Variants in LYST observed in about 807,000 individuals in gnomAD.
LYST encodes the protein lysosomal trafficking regulator.
LYST carries 192 observed loss-of-function variants against 413.6 expected under a neutral mutation model. The ratio of observed to expected loss-of-function variants is 0.46; its 90% CI spans 0.41 to 0.52. The LOEUF (loss-of-function observed/expected upper bound fraction) is 0.52, where lower values mean the gene tolerates loss of function less well. Ranked by LOEUF, LYST falls within the 20% of genes least tolerant of loss-of-function variation. LYST has a pLI of 0.00. For missense variants in LYST, 3,815 were observed against 4,499.9 expected (o/e 0.85, Z 4.35); for synonymous variants, 1,525 against 1,567.3 (o/e 0.97, Z 0.64).
chr1:235,771,193 A>G (rs557374283), intron 19 of LYST, among the ~76,000 whole-genome samples: 41 of 152,330 alleles, frequency 2.7e-4, no homozygotes, highest in African/African-American at 7.2e-4. Context: ...AGGCAGCCAA[A>G]GTATGAAAAC....
At chr1:235,865,038 A>G (rs995430849) in intron 1 of LYST, among the ~76,000 whole-genome samples, 3 of 152,024 alleles carry the variant, frequency 2.0e-5, no homozygotes, top group African/African-American at 7.3e-5. Flanking sequence ...ATACAGTCTA[A>G]TCTCCCACCA....
At chr1:235,738,260 A>G in intron 31 of LYST, 1 of 1,611,224 alleles carries the variant, frequency 6.2e-7, no homozygotes, top group Non-Finnish European at 8.5e-7. Flanking sequence ...CTGTAACTGT[A>G]AACTCCAAGC....
rs531591410 is a variant in LYST, at chr1:235,698,698, T to C, written c.10375-1426A>G. On this transcript the variant is annotated intron_variant, in intron 45 of 52. Transcript: ENST00000389793. ...CATCCTGGTTAACATGGTGAAACCC[T>C]GTCTCTACTAAAAATACAAAAAAAT... 1.2e-3 allele frequency among the ~76,000 whole-genome samples: 190 copies of C among 152,146 alleles called. 3 individuals carry two copies. The highest frequency in any genetic ancestry group is 0.01 in the East Asian group (53 of 5,178).
At chr1:235,860,678 C>A (rs567476375) in intron 1 of LYST, among the ~76,000 whole-genome samples, 121 of 152,308 alleles carry the variant, frequency 7.9e-4, no homozygotes, top group Middle Eastern at 3.4e-3. Context: ...CTTTTAAACA[C>A]AACTTTACAG....
At chr1:235,813,282 T>C (rs924072724) in intron 3 of LYST, among the ~76,000 whole-genome samples, 2 of 152,214 alleles carry the variant, frequency 1.3e-5, no homozygotes, top group Non-Finnish European at 2.9e-5. Flanking sequence ...TTTGACAGTA[T>C]TTAGCACACT....
Position 235,757,468 on chromosome 1 carries a change from A to T in LYST, c.6882-10T>A. On this transcript the variant is annotated splice_polypyrimidine_tract_variant and intron_variant, in intron 23 of 52. Transcript: ENST00000389793. ...ACAGTCTTCAGTTACACTAAAACAG[A>T]GACCAAAAAAGTCTTACTAACATGA... The T allele has an allele frequency of 3.7e-6, 6 of 1,610,482 alleles. No homozygotes were observed. Among genetic ancestry groups the T allele is most frequent in the Non-Finnish European group, 5.1e-6 (6 of 1,176,912 alleles).
chr1:235,880,848 G>A lies in LYST; in HGVS notation n.454+2339C>T, dbSNP rs959572591. 5.3e-5 allele frequency among the ~76,000 whole-genome samples: 8 copies of A among 152,234 alleles called. No individual in the cohort carries two copies. In the East Asian group the frequency reaches 5.8e-4, roughly 11 times the overall value. ...CTTTAAAGAATTCCATTTAGCGGCC[G>A]GGCACGGTGGCTCACACCTGTAATC... On this transcript the variant is annotated intron_variant and non_coding_transcript_variant, in intron 1 of 11. Coordinates refer to the LYST transcript ENST00000465349.
rs7545788 is a variant in LYST at position 235,686,639 on chromosome 1, A to G, written c.10800+310T>C. Reference sequence around the variant, plus strand: ...AGCTTTCAAACTGATAGACTCTTACAGTATACTCCTAAGGATTCAGGTTGC... The same window carrying G: ...AGCTTTCAAACTGATAGACTCTTACGGTATACTCCTAAGGATTCAGGTTGC... On this transcript the variant is annotated intron_variant, in intron 48 of 52. Coordinates refer to ENST00000389793, the MANE Select transcript of LYST (RefSeq NM_000081.4). The surrounding 1 kb of genome is among the most constrained non-coding windows in gnomAD (Gnocchi z 4.0). Among the ~76,000 whole-genome samples, 82,264 of 151,936 alleles carry G rather than the reference A, an allele frequency of 0.54. 24,053 individuals carry two copies. The highest frequency in any genetic ancestry group is 0.72 in the African/African-American group (30,016 of 41,446).
intron 48 of LYST, among the ~76,000 whole-genome samples, 176 bp from the exon 49 acceptor site, chr1:235,677,795 T>G (rs1353671863): frequency 6.6e-6 from 1 of 152,206 alleles, no homozygotes; most frequent in African/African-American, 2.4e-5. Flanking sequence ...TCCTCATAAT[T>G]TCCAGTTATC....
At chr1:235,707,483 T>C (rs1053087126) in intron 44 of LYST, among the ~76,000 whole-genome samples, 1 of 151,812 alleles carries the variant, frequency 6.6e-6, no homozygotes, top group South Asian at 2.1e-4. Context: ...ATTAGCCAGG[T>C]GCGGTGGTGG....
At chr1:235,707,131 C>T (rs1171633259) in intron 44 of LYST, among the ~76,000 whole-genome samples, 1 of 152,166 alleles carries the variant, frequency 6.6e-6, no homozygotes, top group Non-Finnish European at 1.5e-5. Flanking sequence ...TTCCTTTCAG[C>T]GGCCTCATTT....
At chr1:235,858,801 G>A (rs1354005585) in intron 1 of LYST, among the ~76,000 whole-genome samples, 1 of 152,054 alleles carries the variant, frequency 6.6e-6, no homozygotes, top group Non-Finnish European at 1.5e-5. Flanking sequence ...TTGTTATGGG[G>A]GTGGGGAAGG....
intron 1 of LYST, among the ~76,000 whole-genome samples, chr1:235,843,767 C>T (rs1307481714): frequency 6.6e-6 from 1 of 151,658 alleles, no homozygotes; most frequent in South Asian, 2.1e-4. Context: ...AAGGAAAAAA[C>T]AACAAAAAAG....
chr1:235,801,415 A>ACC lies in LYST; in HGVS notation c.3713-320_3713-319dup, dbSNP rs113560541. Among the ~76,000 whole-genome samples the ACC allele has an allele frequency of 5.9e-3, 887 of 149,698 alleles. 9 individuals are homozygous for ACC. Among genetic ancestry groups the ACC allele is most frequent in the African/African-American group, 0.021 (843 of 40,546 alleles). On this transcript the variant is annotated intron_variant, in intron 8 of 52. Coordinates refer to ENST00000389793, the MANE Select transcript of LYST (RefSeq NM_000081.4). ...AAAAAAAACCTATTCAAACTTTCTG[A>ACC]CCCCCCCCTCAAATACCTAAATCAC...
chr1:235,727,955 T>C, intron 38 of LYST, 121 bp downstream of exon 38: 1 of 767,998 alleles, frequency 1.3e-6, no homozygotes, highest in Non-Finnish European at 2.3e-6. Flanking sequence ...CAGACCAATC[T>C]ATACATAGAG....
intron 45 of LYST, among the ~76,000 whole-genome samples, chr1:235,698,319 C>A (rs1054634888): frequency 6.6e-6 from 1 of 152,050 alleles, no homozygotes; most frequent in African/African-American, 2.4e-5. Context: ...AAAAAGGCAT[C>A]ACTGACGTAT....
At chr1:235,864,676 A>C (rs572258984) in intron 1 of LYST, among the ~76,000 whole-genome samples, 29 of 152,350 alleles carry the variant, frequency 1.9e-4, no homozygotes, top group African/African-American at 7.0e-4. Context: ...TCACGCCTAC[A>C]ATCGCAGAAT....
intron 3 of LYST, among the ~76,000 whole-genome samples, chr1:235,816,457 T>TAAATAAAAAAAAA (rs1558293896): frequency 9.7e-6 from 1 of 103,404 alleles, no homozygotes; most frequent in African/African-American, 5.1e-5. Context: ...AATAAATAAA[T>TAAATAAAAAAAAA]AAAAAATAAA....
Position 235,806,607 on chromosome 1 carries a change from G to C in LYST, c.2529C>G (p.Asp843Glu). 6.2e-7 allele frequency: 1 copy of C among 1,614,026 alleles called. No individual in the cohort carries two copies. The highest frequency in any genetic ancestry group is 8.5e-7 in the Non-Finnish European group (1 of 1,179,924). ...CAGAGGACAACTCCTTCTGTTCAAT[G>C]TCTATCCCATCAATATCTGGAACTG... ...DASVPDIDGI[D>E]IEQKELSSVH... The change falls in exon 6 of 53, where the codon GAC (aspartate) becomes GAG (glutamate). Residue 843 changes from aspartate to glutamate, a missense_variant. Transcript: ENST00000389793.
Sources: gnomAD v4.1 joint callset for allele counts (sites outside exome capture counted in the v4.1 genomes callset) on GRCh38, gnomAD v4.1.1 for gene constraint, Gnocchi (gnomAD v3.1) non-coding constraint, MANE v1.5 for transcripts, NCBI Gene and HGNC (gene_info 2026-07-23, HGNC 2026-07-21) for gene names.